KIAA0319: variants seen among roughly 807,000 people sequenced by gnomAD.
The protein encoded by KIAA0319 is dyslexia-associated protein KIAA0319.
A neutral mutation model predicts 108.4 loss-of-function variants in KIAA0319; 83 were observed. The observed-to-expected ratio is 0.77, with a 90% CI of 0.64 to 0.92. KIAA0319 has a LOEUF of 0.92. KIAA0319 is among the 40% of genes least tolerant of loss of function. The pLI is 0.00. For synonymous variants in KIAA0319, 484 were observed against 510.4 expected (o/e 0.95, Z 0.70); for missense variants, 1,195 against 1,322.4 (o/e 0.90, Z 1.49).
intron 1 of KIAA0319, among the ~76,000 whole-genome samples, chr6:24,637,839 C>A (rs1394994612): frequency 6.6e-6 from 1 of 150,978 alleles, no homozygotes; most frequent in African/African-American, 2.4e-5. Context: ...AAAAAAAAAT[C>A]TCTCAAGGGA....
intron 2 of KIAA0319, chr6:24,600,752 G>T: frequency 8.6e-7 from 1 of 1,164,378 alleles, no homozygotes; most frequent in Non-Finnish European, 1.2e-6. Context: ...AAGGAAGTCT[G>T]GCCTTTCCAG....
At chr6:24,642,672 C>T (rs1022353966) in intron 1 of KIAA0319, among the ~76,000 whole-genome samples, 1 of 151,966 alleles carries the variant, frequency 6.6e-6, no homozygotes, top group Non-Finnish European at 1.5e-5. Flanking sequence ...TCCTCTTATT[C>T]AAGCTACATT....
chr6:24,624,355 G>A (rs1173879688), intron 1 of KIAA0319, among the ~76,000 whole-genome samples: 2 of 151,548 alleles, frequency 1.3e-5, no homozygotes, highest in African/African-American at 4.9e-5. Flanking sequence ...TTTCTTTATT[G>A]CACAAACTAT....
intron 2 of KIAA0319, among the ~76,000 whole-genome samples, chr6:24,597,697 C>T (rs142630743): frequency 9.9e-5 from 15 of 151,942 alleles, no homozygotes; most frequent in Non-Finnish European, 2.2e-4. Flanking sequence ...TGTGGGAATA[C>T]TAGTTACTTG....
At chr6:24,582,980 A>G in intron 5 of KIAA0319, 2 of 672,850 alleles carry the variant, frequency 3.0e-6, no homozygotes, top group Non-Finnish European at 3.7e-6. Context: ...TAAAATTTTG[A>G]CCAATATGTG....
intron 13 of KIAA0319, among the ~76,000 whole-genome samples, chr6:24,567,374 T>C (rs1402783776): frequency 1.3e-5 from 2 of 152,012 alleles, no homozygotes; most frequent in African/African-American, 4.8e-5. Flanking sequence ...CAATGATAAT[T>C]AGGCCCTCAC....
chr6:24,559,155 G>A lies in KIAA0319; in HGVS notation c.2592C>T (p.Ser864=), dbSNP rs751242135. ...TCTGTACATAAAACACAATCACGGT[G>A]CTGTGGAGGAGACAATGAGAGAGGA... ...VQKIRAHSDL[S]TVIVFYVQSR... The change falls in exon 17 of 21, where the codon AGC becomes AGT. Residue 864 remains serine (S), a splice_region_variant and synonymous_variant. Coordinates refer to ENST00000378214, the MANE Select transcript of KIAA0319 (RefSeq NM_014809.4). 27 of 1,612,426 alleles carry A rather than the reference G, an allele frequency of 1.7e-5. No homozygotes were observed. The highest frequency in any genetic ancestry group is 1.2e-4 in the Admixed American group (7 of 59,908).
At position 24,599,218 on chromosome 6, in the gene KIAA0319, T is replaced by G; in HGVS notation, c.55+1831A>C. On this transcript the variant is annotated intron_variant, in intron 2 of 20. Coordinates refer to ENST00000378214, the MANE Select transcript of KIAA0319 (RefSeq NM_014809.4). The surrounding 1 kb of genome is among the most constrained non-coding windows in gnomAD (Gnocchi z 4.1). ...CTGTACCAGGTCAAGTATGAGGAGC[T>G]GCAGGCACTGGCTGGGAAGCACAGG... 2 of 516,000 alleles carry G rather than the reference T, an allele frequency of 3.9e-6. No homozygotes were observed. The highest frequency in any genetic ancestry group is 2.0e-5 in the South Asian group (1 of 49,198). 32.0% of individuals were successfully genotyped at this position (516,000 alleles called of 1,614,324 possible).
At chr6:24,616,686 A>G (rs1773202960) in intron 1 of KIAA0319, among the ~76,000 whole-genome samples, 1 of 152,238 alleles carries the variant, frequency 6.6e-6, no homozygotes, top group Admixed American at 6.5e-5. Flanking sequence ...CTAAAAACCC[A>G]TATGAATGCA....
intron 10 of KIAA0319, among the ~76,000 whole-genome samples, chr6:24,575,131 C>G (rs927118349): frequency 6.6e-6 from 1 of 152,174 alleles, no homozygotes; most frequent in African/African-American, 2.4e-5. Flanking sequence ...TGTGATTGCC[C>G]CAGTTAATAC....
intron 1 of KIAA0319, among the ~76,000 whole-genome samples, chr6:24,633,271 C>T (rs1775805455): frequency 6.6e-6 from 1 of 152,186 alleles, no homozygotes; most frequent in South Asian, 2.1e-4. Context: ...ATCCCATTCC[C>T]AGGCAGGACC....
rs190602180 is a variant in KIAA0319 at position 24,588,598 on chromosome 6, C to A, written c.989G>T (p.Arg330Met). The A allele has an allele frequency of 2.9e-5, 47 of 1,612,432 alleles. No homozygotes were observed. In the East Asian group the frequency reaches 9.4e-4, roughly 32 times the overall value. ...ELPISPTTAP[R>M]TVKELTVSAG... ...TTGTATTTTTTAAAAGTTACCTGTC[C>A]TGGGAGCAGTGGTAGGAGATATGGG... Residue 330 changes from arginine (R) to methionine (M), a missense_variant, in exon 4 of 21, where the codon AGG (arginine) becomes ATG (methionine). Coordinates refer to ENST00000378214, the MANE Select transcript of KIAA0319 (RefSeq NM_014809.4).
At chr6:24,550,200 C>T (rs1761267433) in intron 20 of KIAA0319, among the ~76,000 whole-genome samples, 1 of 152,180 alleles carries the variant, frequency 6.6e-6, no homozygotes, top group South Asian at 2.1e-4. Flanking sequence ...ATCGTCCATG[C>T]ACTGATAGAA....
intron 7 of KIAA0319, 66 bp downstream of exon 7, chr6:24,580,860 T>A (rs1766402473): frequency 1.0e-6 from 1 of 991,416 alleles, no homozygotes; most frequent in South Asian, 1.3e-5. Context: ...AGATATAGAG[T>A]CATCCAGGCA....
chr6:24,559,343 A>C (rs1581920006), intron 16 of KIAA0319, among the ~76,000 whole-genome samples, 188 bp from the exon 17 acceptor site: 1 of 152,340 alleles, frequency 6.6e-6, no homozygotes, highest in African/African-American at 2.4e-5. Context: ...CTTCAGTCTC[A>C]ACGTACAGCT....
rs578082574 is a variant in KIAA0319 at position 24,613,507 on chromosome 6, A to G, written c.-105-12299T>C. Among the ~76,000 whole-genome samples the G allele has an allele frequency of 4.6e-5, 7 of 152,294 alleles. No homozygotes were observed. The East Asian group carries it at 1.4e-3, about 29-fold the overall frequency. Reference sequence around the variant, plus strand: ...TCCCCAGAAGATCTACAAACACAACACTATGAAGAGAAAGAGCTGACATTT... The same window carrying G: ...TCCCCAGAAGATCTACAAACACAACGCTATGAAGAGAAAGAGCTGACATTT... On this transcript the variant is annotated intron_variant, in intron 1 of 20. Transcript: ENST00000378214.
At chr6:24,548,261 A>G (rs1223824744) in intron 20 of KIAA0319, among the ~76,000 whole-genome samples, 3 of 152,196 alleles carry the variant, frequency 2.0e-5, no homozygotes, top group Non-Finnish European at 4.4e-5. Context: ...GCTCACGGAA[A>G]CATAGAGGGG....
chr6:24,564,001 C>T (rs765555120), intron 15 of KIAA0319, among the ~76,000 whole-genome samples: 1 of 152,118 alleles, frequency 6.6e-6, no homozygotes, highest in East Asian at 1.9e-4. Flanking sequence ...TGCCAGATAA[C>T]ATTCTCTTTT....
intron 1 of KIAA0319, among the ~76,000 whole-genome samples, chr6:24,609,582 CAACA>C (rs1248943601): frequency 2.0e-5 from 3 of 151,692 alleles, no homozygotes; most frequent in Non-Finnish European, 2.9e-5. Flanking sequence ...GTCTCAAAAC[CAACA>C]AACAAACAAA....
Sources: gnomAD v4.1 joint callset for allele counts (sites outside exome capture counted in the v4.1 genomes callset) on GRCh38, gnomAD v4.1.1 for gene constraint, Gnocchi (gnomAD v3.1) non-coding constraint, MANE v1.5 for transcripts, NCBI Gene and HGNC (gene_info 2026-07-23, HGNC 2026-07-21) for gene names.